NEK10: variants seen among roughly 807,000 people sequenced by gnomAD.
The protein encoded by NEK10 is serine/threonine-protein kinase Nek10.
Under a neutral mutation model 159.8 loss-of-function variants are expected in NEK10, and 122 were observed. The ratio of observed to expected loss-of-function variants is 0.76; its 90% CI spans 0.66 to 0.89. NEK10 has a LOEUF of 0.89. Ranked by LOEUF, NEK10 falls within the 40% of genes least tolerant of loss-of-function variation. The probability of loss-of-function intolerance (pLI) is 0.00; values close to 1 mark genes in which losing one functional copy is unlikely to be tolerated. For missense variants in NEK10, 1,342 were observed against 1,323.1 expected, an observed-to-expected ratio of 1.01 and a Z score of -0.22; for synonymous variants, 466 against 457.1, an observed-to-expected ratio of 1.02 and a Z score of -0.25.
chr3:27,235,139 T>TA, intron 23 of NEK10, among the ~76,000 whole-genome samples: 1 of 152,186 alleles, frequency 6.6e-6, no homozygotes, highest in South Asian at 2.1e-4. Context: ...GACTTAAATC[T>TA]AAAACCCAAA....
intron 5 of NEK10, among the ~76,000 whole-genome samples, chr3:27,323,357 C>T (rs1038512530): frequency 3.3e-5 from 5 of 152,166 alleles, no homozygotes; most frequent in African/African-American, 1.2e-4. Context: ...CTCCCACTGG[C>T]TCTCTGTGCC....
chr3:27,298,090 C>A (rs2043502087), intron 13 of NEK10, among the ~76,000 whole-genome samples: 1 of 152,104 alleles, frequency 6.6e-6, no homozygotes. Context: ...AAAACTCAGA[C>A]CCTACTCTTA....
Position 27,301,717 on chromosome 3 carries a change from T to C in NEK10, c.1147A>G (p.Asn383Asp). 6.4e-7 allele frequency: 1 copy of C among 1,573,052 alleles called. No homozygotes were observed. The highest frequency in any genetic ancestry group is 8.7e-7 in the Non-Finnish European group (1 of 1,154,188). ...ATACCTGCTTGAAGTGAGAAAGTATTTTCTTGTATTTCCCTAGGGCTCAAG... is the reference window on the plus strand; with the variant it reads ...ATACCTGCTTGAAGTGAGAAAGTATCTTCTTGTATTTCCCTAGGGCTCAAG... ...EDLSPREIQE[N>D]TFSLQAACCA... The change falls in exon 13 of 36, where the codon AAT becomes GAT. Residue 383 changes from asparagine to aspartate, a missense_variant. Asn to Asp is a conservative substitution (Grantham distance 23). Transcript: ENST00000691995.
intron 30 of NEK10, among the ~76,000 whole-genome samples, chr3:27,159,845 A>G (rs1252224444): frequency 6.6e-6 from 1 of 151,726 alleles, no homozygotes; most frequent in Admixed American, 6.6e-5. Context: ...AGATCATATT[A>G]CAATATAGGC....
chr3:27,362,046 A>G (rs1224116950), intron 1 of NEK10, among the ~76,000 whole-genome samples: 1 of 152,244 alleles, frequency 6.6e-6, no homozygotes, highest in East Asian at 1.9e-4. Context: ...TAAGAACACT[A>G]GAAGTGTCAA....
intron 5 of NEK10, among the ~76,000 whole-genome samples, chr3:27,337,437 C>T (rs1442638209): frequency 2.0e-5 from 1 of 50,774 alleles, no homozygotes; most frequent in Admixed American, 3.5e-4. Context: ...TCATATTTCA[C>T]AGAAATAGAA....
At chr3:27,312,262 A>G (rs1057301279) in intron 7 of NEK10, 85 bp from the exon 8 acceptor site, 1 of 694,298 alleles carries the variant, frequency 1.4e-6, no homozygotes, top group Non-Finnish European at 2.4e-6. Context: ...AGTTCTTAAA[A>G]TAAACTGTAG....
intron 25 of NEK10, among the ~76,000 whole-genome samples, chr3:27,195,599 A>G (rs938439429): frequency 6.6e-6 from 1 of 152,238 alleles, no homozygotes; most frequent in African/African-American, 2.4e-5. Context: ...GTGGCATCTT[A>G]GTATTTTGAA....
In NEK10 at chr3:27,202,539, A is replaced by G. The variant is rs143807949; in HGVS notation, c.2109T>C (p.Ser703=). 1 of 1,609,390 alleles carries G rather than the reference A, an allele frequency of 6.2e-7. No homozygotes were observed. Among genetic ancestry groups the G allele is most frequent in the Non-Finnish European group, 8.5e-7 (1 of 1,177,374 alleles). ...CATCAGCCTTCTCCCCATACGGCTC[A>G]CTCTTCAGTACCTCGGGGCTGAAGT... is the stretch of plus-strand genomic sequence containing the variant. ...ILYSCPEVLK[S]EPYGEKADVW... The change falls in exon 24 of 36, where the codon AGT becomes AGC. Residue 703 remains serine (S), a synonymous_variant. Transcript: ENST00000691995.
At chr3:27,232,203 G>T (rs1953365843) in intron 23 of NEK10, among the ~76,000 whole-genome samples, 1 of 151,520 alleles carries the variant, frequency 6.6e-6, no homozygotes, top group Non-Finnish European at 1.5e-5. Flanking sequence ...CCAATAAATG[G>T]ATTCAATAAA....
intron 23 of NEK10, among the ~76,000 whole-genome samples, chr3:27,240,674 CAG>C (rs1954451032): frequency 1.5e-5 from 2 of 136,136 alleles, no homozygotes; most frequent in East Asian, 2.0e-4. Flanking sequence ...TTTTTTGAGA[CAG>C]AGTCTCACTG....
chr3:27,107,869 T>C lies in NEK10; in HGVS notation c.*3403A>G, dbSNP rs923497429. On this transcript the variant is annotated 3_prime_UTR_variant, in exon 36 of 36. Transcript: ENST00000691995. ...GTCATTTCTAAAGGAACCCAGCATA[T>C]TGACTGTGCATGATTCCTCACCACT... 6.6e-6 allele frequency among the ~76,000 whole-genome samples: 1 copy of C among 152,196 alleles called. No homozygotes were observed. Among genetic ancestry groups the C allele is most frequent in the Non-Finnish European group, 1.5e-5 (1 of 68,024 alleles).
At chr3:27,192,282 T>A (rs770578789) in intron 25 of NEK10, 40 bp from the exon 26 acceptor site, 3 of 1,492,008 alleles carry the variant, frequency 2.0e-6, no homozygotes, top group Non-Finnish European at 2.8e-6. Flanking sequence ...CTGGTCAATG[T>A]TGGGAGCAGG....
At chr3:27,331,002 G>A (rs895977251) in intron 5 of NEK10, among the ~76,000 whole-genome samples, 10 of 152,040 alleles carry the variant, frequency 6.6e-5, no homozygotes, top group East Asian at 5.8e-4. Flanking sequence ...TTGGGAGGCC[G>A]AAGTGGGCGG....
Position 27,167,394 on chromosome 3 carries a change from T to C in NEK10, c.2831+4425A>G, listed in dbSNP as rs138617801. Among the ~76,000 whole-genome samples, 81 of 152,286 alleles carry C rather than the reference T, an allele frequency of 5.3e-4. 2 individuals are homozygous for C. In the East Asian group the frequency reaches 0.011, roughly 21 times the overall value. On this transcript the variant is annotated intron_variant, in intron 29 of 35. Coordinates refer to ENST00000691995, the MANE Select transcript of NEK10 (RefSeq NM_001394966.1). Reference sequence around the variant, plus strand: ...TTGGCGCAGGCCTGGCACACAGTAATAAATATCCATCAATTAAACAAATGA... The same window carrying C: ...TTGGCGCAGGCCTGGCACACAGTAACAAATATCCATCAATTAAACAAATGA...
chr3:27,358,836 A>C (rs962117984), intron 1 of NEK10, among the ~76,000 whole-genome samples: 2 of 152,152 alleles, frequency 1.3e-5, no homozygotes, highest in African/African-American at 4.8e-5. Context: ...TTTCCTACTA[A>C]TCACTCAGGT....
chr3:27,260,015 A>G (rs1003276193), intron 22 of NEK10, among the ~76,000 whole-genome samples: 3 of 151,998 alleles, frequency 2.0e-5, no homozygotes, highest in Non-Finnish European at 4.4e-5. Context: ...ATTTGGCTCT[A>G]TGTTTTTCTG....
intron 5 of NEK10, among the ~76,000 whole-genome samples, chr3:27,332,513 C>T (rs1045513149): frequency 2.6e-5 from 4 of 152,186 alleles, no homozygotes; most frequent in African/African-American, 4.8e-5. Context: ...CTGCCTGAGT[C>T]TTGTTTGTCA....
chr3:27,304,823 C>T lies in NEK10; in HGVS notation c.952G>A (p.Val318Ile). Residue 318 changes from valine (V) to isoleucine (I), a missense_variant, in exon 12 of 36, where the codon GTT becomes ATT. Coordinates refer to ENST00000691995, the MANE Select transcript of NEK10 (RefSeq NM_001394966.1). ...ACGCTGGTCTCAGGGTCCTCACAAA[C>T]CTGTACCAGAATCCAGACAATGCTC... is the stretch of plus-strand genomic sequence containing the variant. Reference protein sequence around the residue: ...LWSIVWILVQVCEDPETSVEI... With the variant: ...LWSIVWILVQICEDPETSVEI... 6 of 1,613,936 alleles carry T rather than the reference C, an allele frequency of 3.7e-6. No individual in the cohort carries two copies. The highest frequency in any genetic ancestry group is 5.1e-6 in the Non-Finnish European group (6 of 1,179,854).
Sources: allele counts gnomAD v4.1 joint callset (sites outside exome capture counted in the v4.1 genomes callset), GRCh38; gene constraint gnomAD v4.1.1; transcripts MANE v1.5; gene names NCBI Gene and HGNC (gene_info 2026-07-23, HGNC 2026-07-21).